The following KCNN2 variants were observed in gnomAD, a reference collection of about 807,000 sequenced individuals.
The protein encoded by KCNN2 is small conductance calcium-activated potassium channel protein 2.
A neutral mutation model predicts 55.5 loss-of-function variants in KCNN2; 24 were observed. That is an observed-to-expected ratio of 0.43 (90% CI 0.31 to 0.61). The LOEUF (loss-of-function observed/expected upper bound fraction) is 0.61. Among genes scored for constraint, KCNN2 ranks in the 20% least tolerant of loss-of-function variants. The pLI, the probability that KCNN2 is intolerant of heterozygous loss-of-function variation, is 0.08. For synonymous variants in KCNN2, 431 were observed against 336.1 expected, an observed-to-expected ratio of 1.28 and a Z score of -3.09; for missense variants, 754 against 853.6, an observed-to-expected ratio of 0.88 and a Z score of 1.45.
chr5:114,317,291 A>T (rs1238382939), intron 2 of KCNN2, among the ~76,000 whole-genome samples: 2 of 151,836 alleles, frequency 1.3e-5, no homozygotes. Flanking sequence ...AAGGAAATAC[A>T]CTTTTTTACA....
intron 2 of KCNN2, among the ~76,000 whole-genome samples, chr5:114,246,749 A>G (rs1754755513): frequency 6.6e-6 from 1 of 152,146 alleles, no homozygotes. Flanking sequence ...CAAATGAATA[A>G]GACAATATTA....
At chr5:114,365,467 G>C (rs772286130) in intron 2 of KCNN2, among the ~76,000 whole-genome samples, 1 of 152,298 alleles carries the variant, frequency 6.6e-6, no homozygotes, top group East Asian at 1.9e-4. Flanking sequence ...GACTTGAAGA[G>C]TAGACAATTA....
intron 1 of KCNN2, among the ~76,000 whole-genome samples, chr5:114,109,930 T>C (rs1157265446): frequency 6.6e-6 from 1 of 152,020 alleles, no homozygotes; most frequent in Non-Finnish European, 1.5e-5. Context: ...GCCAATGTGA[T>C]GGTAGTAAGA....
Position 114,363,073 on chromosome 5 carries a change from G to C in KCNN2, c.934G>C (p.Gly312Arg), listed in dbSNP as rs1313156829. Residue 312 changes from glycine (G) to arginine (R), a missense_variant, in exon 1 of 8, where the codon GGG becomes CGG. By Grantham distance (125) the Gly-to-Arg change is moderately radical. Coordinates refer to ENST00000673685, the MANE Select transcript of KCNN2 (RefSeq NM_021614.4). ...TGGGGGGGGSGHGSSSGTKSS... is the reference protein window; with the variant it reads ...TGGGGGGGGSRHGSSSGTKSS... ...AGGAGGCGGCGGCGGTGGCGGGAGC[G>C]GGCACGGCAGCAGCAGTGGCACCAA... 38 of 1,609,754 alleles carry C rather than the reference G, an allele frequency of 2.4e-5. 1 individual carries two copies. Among genetic ancestry groups the C allele is most frequent in the Admixed American group, 5.0e-5 (3 of 59,860 alleles).
chr5:114,238,711 G>A (rs1754559823), intron 2 of KCNN2, among the ~76,000 whole-genome samples: 2 of 152,084 alleles, frequency 1.3e-5, no homozygotes, highest in Non-Finnish European at 2.9e-5. Context: ...ACCATAGGGA[G>A]CTGGCATGGC....
At chr5:114,437,464 GCTT>G in intron 3 of KCNN2, among the ~76,000 whole-genome samples, 1 of 152,226 alleles carries the variant, frequency 6.6e-6, no homozygotes, top group East Asian at 1.9e-4. Flanking sequence ...ATTTAGTCTA[GCTT>G]CTTTTTGTAG....
chr5:114,056,803 C>T (rs1750219687), intron 1 of KCNN2, among the ~76,000 whole-genome samples: 1 of 152,154 alleles, frequency 6.6e-6, no homozygotes. Context: ...CTCGGCTCTC[C>T]TCTTTTCCTT....
At chr5:114,430,961 A>G (rs1347387853) in intron 3 of KCNN2, among the ~76,000 whole-genome samples, 1 of 152,142 alleles carries the variant, frequency 6.6e-6, no homozygotes, top group Non-Finnish European at 1.5e-5. Context: ...ATTGTGATAT[A>G]AAAGTGTTTT....
At chr5:114,311,379 C>A (rs943210201) in intron 2 of KCNN2, among the ~76,000 whole-genome samples, 3 of 152,072 alleles carry the variant, frequency 2.0e-5, no homozygotes, top group African/African-American at 7.2e-5. Context: ...AAATAAGAAG[C>A]TCAATAGTTT....
intron 4 of KCNN2, among the ~76,000 whole-genome samples, chr5:114,471,874 C>T (rs1397443778): frequency 6.6e-6 from 1 of 152,114 alleles, no homozygotes; most frequent in Non-Finnish European, 1.5e-5. Flanking sequence ...CAATCGTGTC[C>T]CTCCTGCCAG....
intron 1 of KCNN2, among the ~76,000 whole-genome samples, chr5:114,104,807 A>G (rs1011186673): frequency 5.3e-5 from 8 of 151,960 alleles, no homozygotes; most frequent in Non-Finnish European, 1.5e-5. Context: ...TGAAAAAGGC[A>G]GGCTCGGGGG....
At chr5:114,062,021 A>G (rs1750343105) in intron 1 of KCNN2, among the ~76,000 whole-genome samples, 1 of 152,144 alleles carries the variant, frequency 6.6e-6, no homozygotes, top group Non-Finnish European at 1.5e-5. Context: ...TCATTTATCA[A>G]ATATTTAGAC....
intron 2 of KCNN2, among the ~76,000 whole-genome samples, chr5:114,371,119 G>C (rs1313589279): frequency 6.6e-6 from 1 of 152,164 alleles, no homozygotes; most frequent in Non-Finnish European, 1.5e-5. Context: ...TGATTGATGG[G>C]GTTCTGGTTG....
intron 2 of KCNN2, among the ~76,000 whole-genome samples, chr5:114,372,094 A>C (rs539300849): frequency 6.6e-6 from 1 of 152,328 alleles, no homozygotes; most frequent in Non-Finnish European, 1.5e-5. Context: ...AAACTTGTTT[A>C]GGTTTGGAAA....
chr5:114,284,800 C>T (rs754957319), intron 2 of KCNN2, among the ~76,000 whole-genome samples: 3 of 151,844 alleles, frequency 2.0e-5, no homozygotes, highest in Non-Finnish European at 4.4e-5. Flanking sequence ...TTACAGGCGT[C>T]AGCCACCGCG....
At chr5:114,202,146 T>C (rs1478458080) in intron 1 of KCNN2, among the ~76,000 whole-genome samples, 3 of 152,064 alleles carry the variant, frequency 2.0e-5, no homozygotes, top group Non-Finnish European at 4.4e-5. Flanking sequence ...GTAGCTGGGC[T>C]GTCAAAGTGG....
chr5:114,192,866 C>T (rs1377075621), intron 1 of KCNN2, among the ~76,000 whole-genome samples: 1 of 152,044 alleles, frequency 6.6e-6, no homozygotes, highest in African/African-American at 2.4e-5. Context: ...TTGCCCCCAG[C>T]CTTCCTCTTC....
At chr5:114,489,182 G>A (rs764314060) in intron 6 of KCNN2, among the ~76,000 whole-genome samples, 1 of 152,110 alleles carries the variant, frequency 6.6e-6, no homozygotes, top group Non-Finnish European at 1.5e-5. Flanking sequence ...AGACTCTTCT[G>A]GACTATTATG....
intron 2 of KCNN2, among the ~76,000 whole-genome samples, chr5:114,262,869 A>G (rs1329337839): frequency 6.6e-6 from 1 of 152,176 alleles, no homozygotes; most frequent in African/African-American, 2.4e-5. Flanking sequence ...TTATTTATCA[A>G]AAGAGGGATT....
Sources: gnomAD v4.1 joint callset for allele counts (sites outside exome capture counted in the v4.1 genomes callset) on GRCh38, gnomAD v4.1.1 for gene constraint, MANE v1.5 for transcripts, NCBI Gene and HGNC (gene_info 2026-07-23, HGNC 2026-07-21) for gene names.